Variants in B3GALT1 observed in about 807,000 individuals in gnomAD.
B3GALT1 encodes beta-1,3-galactosyltransferase 1, also known as UDP-Gal:betaGlcNAc beta 1,3-galactosyltransferase, polypeptide 1.
A neutral mutation model predicts 23.2 loss-of-function variants in B3GALT1; 10 were observed. The observed-to-expected ratio is 0.43, with a 90% confidence interval of 0.27 to 0.73. The LOEUF is 0.73. Among genes scored for constraint, B3GALT1 ranks in the 30% least tolerant of loss-of-function variants. B3GALT1 has a pLI of 0.21. For synonymous variants in B3GALT1, 156 were observed against 141.5 expected (o/e 1.10, Z -0.73); for missense variants, 299 against 405.4 (o/e 0.74, Z 2.25).
At chr2:167,471,675 C>T (rs952833518) in intron 1 of B3GALT1, among the ~76,000 whole-genome samples, 2 of 152,134 alleles carry the variant, frequency 1.3e-5, no homozygotes, top group African/African-American at 4.8e-5. Context: ...AAAATGAAAA[C>T]ACTGCCTAAT....
intron 1 of B3GALT1, among the ~76,000 whole-genome samples, chr2:167,354,849 G>A (rs375674323): frequency 5.8e-4 from 89 of 152,154 alleles, no homozygotes; most frequent in Non-Finnish European, 1.0e-3. Context: ...GTCTTCCTGC[G>A]CAGTCTAATT....
At chr2:167,335,189 A>G (rs1316390202) in intron 1 of B3GALT1, among the ~76,000 whole-genome samples, 1 of 147,162 alleles carries the variant, frequency 6.8e-6, no homozygotes, top group Non-Finnish European at 1.5e-5. Context: ...TCTCAAAAGA[A>G]AAAAAAACGG....
chr2:167,620,650 C>T (rs942461335), intron 2 of B3GALT1, among the ~76,000 whole-genome samples: 1 of 152,026 alleles, frequency 6.6e-6, no homozygotes, highest in Non-Finnish European at 1.5e-5. Flanking sequence ...ATTTGAGTCA[C>T]CCAATCAATG....
intron 1 of B3GALT1, among the ~76,000 whole-genome samples, chr2:167,472,351 C>G (rs1024660302): frequency 2.6e-5 from 4 of 152,060 alleles, no homozygotes; most frequent in Admixed American, 1.3e-4. Context: ...ACAGAAATAC[C>G]TGTGCCAAAG....
At chr2:167,465,765 T>C (rs1038600730) in intron 1 of B3GALT1, among the ~76,000 whole-genome samples, 1 of 151,356 alleles carries the variant, frequency 6.6e-6, no homozygotes, top group Non-Finnish European at 1.5e-5. Context: ...TAAAACATGG[T>C]CTAGTAGTTG....
chr2:167,328,267 AT>A (rs1696926225), intron 1 of B3GALT1, among the ~76,000 whole-genome samples: 2 of 152,248 alleles, frequency 1.3e-5, no homozygotes, highest in South Asian at 2.1e-4. Flanking sequence ...TTCTTCTTCA[AT>A]TTTTTGGGAA....
intron 1 of B3GALT1, among the ~76,000 whole-genome samples, chr2:167,445,506 C>G (rs1698968573): frequency 6.6e-6 from 1 of 152,152 alleles, no homozygotes; most frequent in South Asian, 2.1e-4. Flanking sequence ...GGCTAAGTCT[C>G]TTTGTAGGTC....
chr2:167,687,825 T>G lies in B3GALT1; in HGVS notation c.-352+40859T>G, dbSNP rs59851208. Among the ~76,000 whole-genome samples, 409 of 152,190 alleles carry G rather than the reference T, an allele frequency of 2.7e-3. 2 individuals carry two copies. The highest frequency in any genetic ancestry group is 8.1e-3 in the African/African-American group (338 of 41,540). On this transcript the variant is annotated intron_variant, in intron 3 of 4. Coordinates refer to ENST00000392690, the MANE Select transcript of B3GALT1 (RefSeq NM_020981.4). Reference sequence around the variant, plus strand: ...CCCAAAAGCACAACTTTAAATAAATTTAAACAAATATACAAACTAGTCAGA... The same window carrying G: ...CCCAAAAGCACAACTTTAAATAAATGTAAACAAATATACAAACTAGTCAGA...
chr2:167,482,287 A>T (rs1303436437), intron 1 of B3GALT1, among the ~76,000 whole-genome samples: 5 of 152,176 alleles, frequency 3.3e-5, no homozygotes, highest in African/African-American at 7.2e-5. Flanking sequence ...GGGCTTTCAA[A>T]TCTCCATTAT....
At chr2:167,775,087 T>C (rs1688138731) in intron 3 of B3GALT1, among the ~76,000 whole-genome samples, 1 of 152,196 alleles carries the variant, frequency 6.6e-6, no homozygotes, top group Admixed American at 6.5e-5. Context: ...ATAATCTGAT[T>C]TCTAGAACTC....
At position 167,628,413 on chromosome 2, in the gene B3GALT1, A is replaced by G. The variant is rs367798526; in HGVS notation, c.-409-18496A>G. ...GAAACATGGCTTGTAGTACCATTCA[A>G]TAAAAACTCAGATTGTATATCTAAC... On this transcript the variant is annotated intron_variant, in intron 2 of 4. Coordinates refer to ENST00000392690, the MANE Select transcript of B3GALT1 (RefSeq NM_020981.4). Among the ~76,000 whole-genome samples the G allele has an allele frequency of 1.2e-4, 18 of 151,798 alleles. 1 individual carries two copies. Among genetic ancestry groups the G allele is most frequent in the Admixed American group, 6.6e-4 (10 of 15,184 alleles).
At chr2:167,601,988 T>C (rs1684885760) in intron 2 of B3GALT1, among the ~76,000 whole-genome samples, 1 of 152,208 alleles carries the variant, frequency 6.6e-6, no homozygotes, top group Non-Finnish European at 1.5e-5. Flanking sequence ...ATATGTTTTA[T>C]ATCAAAACAA....
At chr2:167,704,026 A>G (rs1484058481) in intron 3 of B3GALT1, among the ~76,000 whole-genome samples, 1 of 151,220 alleles carries the variant, frequency 6.6e-6, no homozygotes, top group Non-Finnish European at 1.5e-5. Context: ...CTAAAAATAC[A>G]AAAAATTAGC....
intron 2 of B3GALT1, among the ~76,000 whole-genome samples, chr2:167,513,596 G>C (rs1357325175): frequency 6.6e-6 from 1 of 152,096 alleles, no homozygotes; most frequent in East Asian, 1.9e-4. Context: ...TGTCTTCAGG[G>C]ATTAAAAAGC....
At chr2:167,491,085 G>C (rs1280817088) in intron 2 of B3GALT1, among the ~76,000 whole-genome samples, 1 of 152,126 alleles carries the variant, frequency 6.6e-6, no homozygotes. Flanking sequence ...AGGGTAATGA[G>C]AACTCCCCAT....
rs542360387 is a variant in B3GALT1, at chr2:167,659,139, C to T, written c.-352+12173C>T. ...CAATTTGGAAAAACCAAAAAACCAA[C>T]TCAGAGATATAAACAAGATATAGAT... On this transcript the variant is annotated intron_variant, in intron 3 of 4. Coordinates refer to ENST00000392690, the MANE Select transcript of B3GALT1 (RefSeq NM_020981.4). Among the ~76,000 whole-genome samples the T allele has an allele frequency of 8.5e-5, 13 of 152,090 alleles. No individual in the cohort carries two copies. In the South Asian group the frequency reaches 2.7e-3, roughly 32 times the overall value.
rs115142892 is a variant in B3GALT1 at position 167,434,200 on chromosome 2, A to G, written c.-510-55977A>G. 8.2e-3 allele frequency among the ~76,000 whole-genome samples: 1,250 copies of G among 152,312 alleles called. 17 individuals carry two copies. The highest frequency in any genetic ancestry group is 0.028 in the African/African-American group (1,185 of 41,584). On this transcript the variant is annotated intron_variant, in intron 1 of 4. Transcript: ENST00000392690. ...AAAGAACCTAACATTTTGGCAGGAA[A>G]TAGTGAATAAATAAAACTGCTTGCC...
intron 1 of B3GALT1, among the ~76,000 whole-genome samples, chr2:167,320,682 T>G (rs1367730895): frequency 6.6e-6 from 1 of 152,130 alleles, no homozygotes; most frequent in African/African-American, 2.4e-5. Flanking sequence ...AAGTCATGTT[T>G]CCTGTATAGA....
chr2:167,444,349 C>T (rs552327904), intron 1 of B3GALT1, among the ~76,000 whole-genome samples: 101 of 152,244 alleles, frequency 6.6e-4, no homozygotes, highest in African/African-American at 2.4e-3. Flanking sequence ...TTGTCTCCGC[C>T]AGGCTTTGGT....
Sources: allele counts gnomAD v4.1 joint callset (sites outside exome capture counted in the v4.1 genomes callset), GRCh38; gene constraint gnomAD v4.1.1; transcripts MANE v1.5; gene names NCBI Gene and HGNC (gene_info 2026-07-23, HGNC 2026-07-21).